NCALD: variants seen among roughly 807,000 people sequenced by gnomAD.
NCALD encodes neurocalcin delta, also known as neurocalcin-delta.
In NCALD, 10 loss-of-function variants were observed where a neutral mutation model predicts 18.6. The observed-to-expected ratio is 0.54, with a 90% CI of 0.33 to 0.91. NCALD has a LOEUF of 0.91. NCALD is among the 40% of genes least tolerant of loss of function. The pLI is 0.03. For synonymous variants in NCALD, 88 were observed against 87.4 expected (o/e 1.01, Z -0.04); for missense variants, 184 against 247.6 (o/e 0.74, Z 1.72).
rs1264946 is a variant in NCALD at position 101,892,475 on chromosome 8, C to A, written c.-106-5248G>T. ...GAGTGCCTCTCCTCCTCCAAAGGAA[C>A]GCAGTTCCTCACCAGCAACGGAACA... On this transcript the variant is annotated intron_variant, in intron 3 of 6. Transcript: ENST00000311028. Among the ~76,000 whole-genome samples, 4 of 146,118 alleles carry A rather than the reference C, an allele frequency of 2.7e-5. No homozygotes were observed. The East Asian group carries it at 7.8e-4, about 28-fold the overall frequency.
At chr8:102,098,217 A>T (rs1260508428) in intron 1 of NCALD, among the ~76,000 whole-genome samples, 1 of 20,158 alleles carries the variant, frequency 5.0e-5, no homozygotes, top group African/African-American at 2.4e-4. Flanking sequence ...TGCTAAATTA[A>T]CTATGTCCCC....
At chr8:101,712,134 C>T (rs2130332356) in intron 2 of NCALD, among the ~76,000 whole-genome samples, 1 of 152,288 alleles carries the variant, frequency 6.6e-6, no homozygotes, top group East Asian at 1.9e-4. Context: ...AAAGAATTTT[C>T]AGCCCAGAAT....
intron 1 of NCALD, among the ~76,000 whole-genome samples, chr8:102,064,310 A>T (rs138232914): frequency 6.6e-6 from 1 of 152,156 alleles, no homozygotes; most frequent in South Asian, 2.1e-4. Flanking sequence ...CCACTCCCCA[A>T]CACTGCCAGG....
At chr8:101,712,333 TGAAG>T (rs1374627038) in intron 2 of NCALD, among the ~76,000 whole-genome samples, 1 of 152,140 alleles carries the variant, frequency 6.6e-6, no homozygotes, top group Non-Finnish European at 1.5e-5. Flanking sequence ...GTCAACACTA[TGAAG>T]AAACTTCATC....
chr8:102,076,093 G>A (rs1824337778), intron 1 of NCALD, among the ~76,000 whole-genome samples: 1 of 151,922 alleles, frequency 6.6e-6, no homozygotes, highest in Non-Finnish European at 1.5e-5. Context: ...TATAAAACTT[G>A]TGTATGCTAT....
upstream of NCALD, among the ~76,000 whole-genome samples, chr8:101,791,682 AC>A (rs1812451049): frequency 6.6e-6 from 1 of 152,236 alleles, no homozygotes; most frequent in East Asian, 1.9e-4. Flanking sequence ...AAAAATGAGG[AC>A]CGAAGGAGTT....
At chr8:101,727,795 T>G (rs1816639346) in intron 1 of NCALD, among the ~76,000 whole-genome samples, 1 of 152,246 alleles carries the variant, frequency 6.6e-6, no homozygotes, top group African/African-American at 2.4e-5. Context: ...ATCTCTGACT[T>G]ACCTCTCAGT....
intron 2 of NCALD, among the ~76,000 whole-genome samples, chr8:101,716,350 A>C (rs1816083311): frequency 6.6e-6 from 1 of 152,172 alleles, no homozygotes; most frequent in Non-Finnish European, 1.5e-5. Context: ...GGATAGCATT[A>C]GGAGAAATAC....
At chr8:101,941,205 T>A (rs938965766) in intron 2 of NCALD, among the ~76,000 whole-genome samples, 23 of 152,188 alleles carry the variant, frequency 1.5e-4, no homozygotes, top group Non-Finnish European at 2.9e-5. Context: ...GAAGACAATT[T>A]TTCCATGGAC....
intron 2 of NCALD, among the ~76,000 whole-genome samples, chr8:102,010,144 C>T (rs1821855988): frequency 6.6e-6 from 1 of 152,258 alleles, no homozygotes; most frequent in Non-Finnish European, 1.5e-5. Flanking sequence ...TAGCTAATCA[C>T]AAACACGTAG....
intron 2 of NCALD, among the ~76,000 whole-genome samples, chr8:101,940,373 T>A (rs1188015792): frequency 6.6e-6 from 1 of 152,202 alleles, no homozygotes; most frequent in East Asian, 1.9e-4. Context: ...TGGACATATA[T>A]AACAATCAGT....
chr8:101,905,657 G>A (rs1030827602), intron 3 of NCALD, among the ~76,000 whole-genome samples: 9 of 152,110 alleles, frequency 5.9e-5, no homozygotes, highest in East Asian at 1.9e-4. Context: ...TAATTAAAGT[G>A]CAGATGTGGC....
chr8:101,877,973 T>C (rs748140797), intron 4 of NCALD, among the ~76,000 whole-genome samples: 10 of 152,236 alleles, frequency 6.6e-5, no homozygotes, highest in Non-Finnish European at 1.2e-4. Flanking sequence ...GCCACTGATC[T>C]AATGAAGCTA....
chr8:101,956,004 G>T (rs1233198079), intron 2 of NCALD, among the ~76,000 whole-genome samples: 1 of 152,158 alleles, frequency 6.6e-6, no homozygotes, highest in Admixed American at 6.5e-5. Flanking sequence ...AACAGAAAAT[G>T]ATGGAAAGTA....
At chr8:101,777,334 AAGAC>A (rs1811835417) in intron 1 of NCALD, among the ~76,000 whole-genome samples, 3 of 152,218 alleles carry the variant, frequency 2.0e-5, no homozygotes, top group African/African-American at 7.2e-5. Flanking sequence ...CTTAATGGAG[AAGAC>A]AGACAGAAAA....
At chr8:101,895,189 G>A (rs952216933) in intron 3 of NCALD, among the ~76,000 whole-genome samples, 1 of 150,350 alleles carries the variant, frequency 6.7e-6, no homozygotes, top group Admixed American at 6.6e-5. Flanking sequence ...TTCATCCCTG[G>A]GATGCAAGGC....
chr8:102,059,901 G>C (rs1324070742), intron 1 of NCALD, among the ~76,000 whole-genome samples: 1 of 152,220 alleles, frequency 6.6e-6, no homozygotes, highest in Admixed American at 6.5e-5. Flanking sequence ...ACAGCTGCCA[G>C]GGGGCCTACC....
intron 1 of NCALD, among the ~76,000 whole-genome samples, chr8:101,762,270 C>G (rs1435134712): frequency 6.6e-6 from 1 of 152,058 alleles, no homozygotes; most frequent in Non-Finnish European, 1.5e-5. Context: ...ATACAAAGAT[C>G]TAGCTAATAA....
intron 2 of NCALD, among the ~76,000 whole-genome samples, chr8:101,956,649 G>A (rs532595916): frequency 2.6e-5 from 4 of 152,184 alleles, no homozygotes; most frequent in Admixed American, 1.3e-4. Flanking sequence ...CACACAGAGA[G>A]AGAGACTATC....
Sources: gnomAD v4.1 joint callset for allele counts (sites outside exome capture counted in the v4.1 genomes callset) on GRCh38, gnomAD v4.1.1 for gene constraint, MANE v1.5 for transcripts, NCBI Gene and HGNC (gene_info 2026-07-23, HGNC 2026-07-21) for gene names.